Variants in BBS4 observed in about 807,000 individuals in gnomAD.
BBS4 encodes BBSome complex member BBS4.
In BBS4, 58 loss-of-function variants were observed where a neutral mutation model predicts 71.4. That is an observed-to-expected ratio of 0.81 (90% CI 0.66 to 1.01). The LOEUF (loss-of-function observed/expected upper bound fraction) is 1.01, where lower values mean the gene tolerates loss of function less well. Ranked by LOEUF, BBS4 falls within the 50% of genes least tolerant of loss-of-function variation. The pLI, the probability that BBS4 is intolerant of heterozygous loss-of-function variation, is 0.00. For missense variants in BBS4, 660 were observed against 607.9 expected (o/e 1.09, Z -0.90); for synonymous variants, 228 against 216.8 (o/e 1.05, Z -0.46).
rs550371256 is a variant in BBS4 at position 72,737,596 on chromosome 15, T to A, written c.*9T>A. ...AAATAAGAGAGAAATAAGAATAGAA[T>A]GAATGACCCCAAAATAGGGTTTTCT... On this transcript the variant is annotated 3_prime_UTR_variant, in exon 16 of 16. Transcript: ENST00000268057. The A allele has an allele frequency of 6.3e-7, 1 of 1,588,494 alleles. No individual in the cohort carries two copies. The highest frequency in any genetic ancestry group is 1.1e-5 in the South Asian group (1 of 87,640).
chr15:72,692,678 T>C lies in BBS4; in HGVS notation c.25-2499T>C, dbSNP rs567444198. ...TGGTCCAATCATGGCTTGCTGCAACTCCGCTTCCTGGGCTTAAGAGATCCT... is the reference window on the plus strand; with the variant it reads ...TGGTCCAATCATGGCTTGCTGCAACCCCGCTTCCTGGGCTTAAGAGATCCT... On this transcript the variant is annotated intron_variant, in intron 1 of 15. Coordinates refer to ENST00000268057, the MANE Select transcript of BBS4 (RefSeq NM_033028.5). 1.9e-4 allele frequency among the ~76,000 whole-genome samples: 29 copies of C among 151,444 alleles called. 2 individuals are homozygous for C. Among genetic ancestry groups the C allele is most frequent in the Admixed American group, 1.6e-3 (24 of 15,198 alleles).
intron 6 of BBS4, chr15:72,717,128 C>T: frequency 2.3e-6 from 1 of 428,932 alleles, no homozygotes; most frequent in Non-Finnish European, 4.2e-6. Context: ...TTTTTTTCGT[C>T]ATTGGAATTC....
chr15:72,729,516 C>T (rs2065769690), intron 9 of BBS4, 100 bp from the exon 10 acceptor site: 1 of 1,117,688 alleles, frequency 8.9e-7, no homozygotes, highest in Non-Finnish European at 1.4e-6. Context: ...TCCCAAAGTG[C>T]TGGGATTATA....
intron 3 of BBS4, among the ~76,000 whole-genome samples, chr15:72,710,739 A>G (rs2065353881): frequency 6.6e-6 from 1 of 151,944 alleles, no homozygotes; most frequent in South Asian, 2.1e-4. Flanking sequence ...ATTTATACCT[A>G]TGGCAATGCA....
chr15:72,688,411 C>CTTTTTTTGTTTTTTTTTTTTTT, intron 1 of BBS4, among the ~76,000 whole-genome samples: 1 of 83,052 alleles, frequency 1.2e-5, no homozygotes, highest in Non-Finnish European at 2.1e-5. Flanking sequence ...GGTATTTTAT[C>CTTTTTTTGTTTTTTTTTTTTTT]TTTTTTTTTT....
At chr15:72,735,087 C>A (rs1007137608) in intron 12 of BBS4, 26 bp from the exon 13 acceptor site, 9 of 1,583,556 alleles carry the variant, frequency 5.7e-6, no homozygotes, top group Non-Finnish European at 7.8e-6. Context: ...CTGAGCTCTC[C>A]AGCTGCAGTG....
intron 13 of BBS4, chr15:72,735,527 T>A: frequency 1.9e-6 from 1 of 530,370 alleles, no homozygotes; most frequent in East Asian, 3.4e-5. Flanking sequence ...CTTCCAGGAT[T>A]TACTCCGCTG....
intron 15 of BBS4, 118 bp downstream of exon 15, chr15:72,737,081 GC>G: frequency 7.9e-7 from 1 of 1,260,360 alleles, no homozygotes; most frequent in Non-Finnish European, 1.1e-6. Flanking sequence ...CGTAGTATTG[GC>G]CACAAGGGGA....
At position 72,731,327 on chromosome 15, in the gene BBS4, T is replaced by C; in HGVS notation, c.734T>C (p.Met245Thr). The C allele has an allele frequency of 1.9e-6, 3 of 1,614,118 alleles. No individual in the cohort carries two copies. Among genetic ancestry groups the C allele is most frequent in the Non-Finnish European group, 2.5e-6 (3 of 1,180,008 alleles). ...NYKAILAAGS[M>T]MQTHGDFDVA... is the part of the protein sequence containing the mutation. Reference sequence around the variant, plus strand: ...CAGGCCATCTTGGCAGCAGGCAGCATGATGCAGACCCACGGGGACTTTGAT... The same window carrying C: ...CAGGCCATCTTGGCAGCAGGCAGCACGATGCAGACCCACGGGGACTTTGAT... Residue 245 changes from methionine (M) to threonine (T), a missense_variant, in exon 11 of 16, where the codon ATG (methionine) becomes ACG (threonine). Met to Thr is a moderately conservative substitution (Grantham distance 81, BLOSUM62 -1). Transcript: ENST00000268057.
At chr15:72,699,219 T>C (rs2065129927) in intron 2 of BBS4, among the ~76,000 whole-genome samples, 1 of 152,070 alleles carries the variant, frequency 6.6e-6, no homozygotes, top group South Asian at 2.1e-4. Flanking sequence ...CCCGTGTAGC[T>C]GGTATTACAG....
intron 2 of BBS4, 36 bp downstream of exon 2, chr15:72,695,264 A>G (rs779893911): frequency 1.5e-6 from 2 of 1,358,506 alleles, no homozygotes; most frequent in South Asian, 1.3e-5. Context: ...GTATGTTTGC[A>G]CAGACAGATT....
intron 6 of BBS4, among the ~76,000 whole-genome samples, chr15:72,718,106 C>T (rs1200198200): frequency 6.6e-6 from 1 of 152,188 alleles, no homozygotes; most frequent in Admixed American, 6.5e-5. Flanking sequence ...GCCTTGTCCT[C>T]CCAAAGTGTT....
chr15:72,692,285 T>C (rs1373840209), intron 1 of BBS4, among the ~76,000 whole-genome samples: 1 of 149,654 alleles, frequency 6.7e-6, no homozygotes, highest in African/African-American at 2.5e-5. Context: ...TATGTCTTAA[T>C]GTGATAATTT....
chr15:72,704,394 G>A, intron 2 of BBS4: 1 of 1,238,948 alleles, frequency 8.1e-7, no homozygotes, highest in Non-Finnish European at 1.1e-6. Flanking sequence ...ACCTGTGAAA[G>A]CATATAAGAA....
At chr15:72,725,425 C>T (rs976165725) in intron 8 of BBS4, among the ~76,000 whole-genome samples, 2 of 152,026 alleles carry the variant, frequency 1.3e-5, no homozygotes, top group African/African-American at 4.8e-5. Flanking sequence ...GCTTACATTC[C>T]ATGGTTCAAA....
chr15:72,735,586 G>C (rs1412829191), intron 13 of BBS4: 1 of 594,762 alleles, frequency 1.7e-6, no homozygotes, highest in Non-Finnish European at 3.0e-6. Context: ...CCCTGGCCTA[G>C]GTAGTCTCTG....
chr15:72,717,200 G>C (rs2065482181), intron 6 of BBS4: 1 of 254,036 alleles, frequency 3.9e-6, no homozygotes, highest in East Asian at 1.0e-4. Context: ...CCATCTGTGT[G>C]ACATTCAATT....
chr15:72,722,856 T>C lies in BBS4; in HGVS notation c.459+9T>C, dbSNP rs754471648. On this transcript the variant is annotated intron_variant, in intron 7 of 15. Transcript: ENST00000268057. ...TGAAGCAGTTCAACAAGGTAATTTA[T>C]AGAAGTGGTGATAGATTTCACTGAG... 3 of 1,611,486 alleles carry C rather than the reference T, an allele frequency of 1.9e-6. No individual in the cohort carries two copies. The South Asian group carries it at 3.3e-5, about 18-fold the overall frequency.
rs752934238 is a variant in BBS4 at position 72,716,799 on chromosome 15, A to G, written c.354A>G (p.Lys118=). ...ARSLFLLGKH[K]AAIEVYNEAA... ...ACAGATTTCTTTTGGGAAAACATAA[A>G]GCTGCCATTGAAGTATATAATGAAG... Residue 118 remains lysine (K), a synonymous_variant, in exon 6 of 16, where the codon AAA becomes AAG. Coordinates refer to ENST00000268057, the MANE Select transcript of BBS4 (RefSeq NM_033028.5). 1.2e-6 allele frequency: 2 copies of G among 1,610,094 alleles called. No individual in the cohort carries two copies. The highest frequency in any genetic ancestry group is 1.7e-5 in the Admixed American group (1 of 59,696).
Sources: allele counts gnomAD v4.1 joint callset (sites outside exome capture counted in the v4.1 genomes callset), GRCh38; gene constraint gnomAD v4.1.1; transcripts MANE v1.5; gene names NCBI Gene and HGNC (gene_info 2026-07-23, HGNC 2026-07-21).